Variants in ERI1 observed in about 807,000 individuals in gnomAD.
The protein encoded by ERI1 is exoribonuclease 1.
Under a neutral mutation model 39.7 loss-of-function variants are expected in ERI1, and 39 were observed. That is an observed-to-expected ratio of 0.98 (90% confidence interval 0.76 to 1.28). The LOEUF (loss-of-function observed/expected upper bound fraction) is 1.28, where lower values mean the gene tolerates loss of function less well. Among genes scored for constraint, ERI1 ranks in the 50% most tolerant of loss-of-function variants. The pLI, the probability that ERI1 is intolerant of heterozygous loss-of-function variation, is 0.00. For missense variants in ERI1, 581 were observed against 416.9 expected (o/e 1.39, Z -3.43); for synonymous variants, 204 against 149.6 (o/e 1.36, Z -2.65).
intron 6 of ERI1, among the ~76,000 whole-genome samples, chr8:9,023,767 A>G (rs1818175267): frequency 6.8e-6 from 1 of 147,940 alleles, no homozygotes; most frequent in Non-Finnish European, 1.5e-5. Context: ...TATGTCTAAA[A>G]ACATTTTTTT....
intron 3 of ERI1, among the ~76,000 whole-genome samples, chr8:9,083,772 A>C (rs1799438895): frequency 1.3e-5 from 2 of 152,030 alleles, no homozygotes; most frequent in Admixed American, 1.3e-4. Flanking sequence ...AGGACAACAA[A>C]GCAAGACCCT....
intron 4 of ERI1, among the ~76,000 whole-genome samples, 173 bp from the exon 5 acceptor site, chr8:9,018,124 T>C (rs1457265276): frequency 6.6e-6 from 1 of 152,220 alleles, no homozygotes; most frequent in African/African-American, 2.4e-5. Context: ...TATGAAATTT[T>C]TAGAATTTCT....
Position 9,031,080 on chromosome 8 carries a change from G to C in ERI1, c.*1046G>C, listed in dbSNP as rs1797554061. Reference sequence around the variant, plus strand: ...TGATAAGGTAAAACTCTTATCTAGAGGCTAAACCCATGTATTTTCAGAATT... The same window carrying C: ...TGATAAGGTAAAACTCTTATCTAGACGCTAAACCCATGTATTTTCAGAATT... On this transcript the variant is annotated 3_prime_UTR_variant, in exon 7 of 7. Coordinates refer to ENST00000250263, the MANE Select transcript of ERI1 (RefSeq NM_153332.4). 2 of 152,102 alleles carry C rather than the reference G, an allele frequency of 1.3e-5. No individual in the cohort carries two copies. The highest frequency in any genetic ancestry group is 4.8e-5 in the African/African-American group (2 of 41,426). The allele number at this position is 152,102 out of a possible 1,614,324, so 9.4% of individuals were successfully genotyped here.
intron 6 of ERI1, among the ~76,000 whole-genome samples, chr8:9,022,422 A>C (rs1162129353): frequency 6.6e-6 from 1 of 152,000 alleles, no homozygotes; most frequent in Non-Finnish European, 1.5e-5. Context: ...TGTCTTTGAG[A>C]TGAAGTCTCA....
At chr8:9,084,975 C>T (rs766651083) in intron 3 of ERI1, among the ~76,000 whole-genome samples, 1 of 152,074 alleles carries the variant, frequency 6.6e-6, no homozygotes, top group Non-Finnish European at 1.5e-5. Context: ...TGTAATCCCC[C>T]CTGCATCCCC....
intron 3 of ERI1, among the ~76,000 whole-genome samples, chr8:9,061,519 C>T (rs928104503): frequency 6.6e-5 from 10 of 152,166 alleles, no homozygotes; most frequent in Admixed American, 2.0e-4. Context: ...AGGGCAGTGG[C>T]GGCCGCTGCA....
intron 3 of ERI1, among the ~76,000 whole-genome samples, chr8:9,077,382 G>C (rs1337166892): frequency 6.6e-6 from 1 of 152,190 alleles, no homozygotes; most frequent in Non-Finnish European, 1.5e-5. Flanking sequence ...GTCCCTGGAA[G>C]AAACTGACAA....
intron 3 of ERI1, among the ~76,000 whole-genome samples, chr8:9,089,820 G>A (rs755168150): frequency 5.3e-5 from 8 of 152,160 alleles, no homozygotes; most frequent in Non-Finnish European, 8.8e-5. Context: ...TTTCAGTGAA[G>A]AAATGAAAGG....
At chr8:9,051,799 T>G (rs969572258) in intron 3 of ERI1, among the ~76,000 whole-genome samples, 1 of 152,222 alleles carries the variant, frequency 6.6e-6, no homozygotes, top group Non-Finnish European at 1.5e-5. Flanking sequence ...GATTATGAGT[T>G]TGAATGATCA....
At chr8:9,066,790 A>C (rs1321253990) in intron 3 of ERI1, among the ~76,000 whole-genome samples, 3 of 152,086 alleles carry the variant, frequency 2.0e-5, no homozygotes, top group Middle Eastern at 3.2e-3. Context: ...GTTGAGAGGG[A>C]AACAGCTGGC....
At chr8:9,055,092 G>C (rs1353534497) in intron 3 of ERI1, among the ~76,000 whole-genome samples, 1 of 152,176 alleles carries the variant, frequency 6.6e-6, no homozygotes, top group East Asian at 1.9e-4. Flanking sequence ...AGCCAGAGTA[G>C]GCTCAGAGAT....
At position 9,053,750 on chromosome 8, in the gene ERI1, T is replaced by C. The variant is rs1798427449; in HGVS notation, n.299+33286T>C. ...ACAGTAACTCCTGATAGTACCAGAA[T>C]TGAACTGTAGGACACCCAGTGAATG... On this transcript the variant is annotated intron_variant and non_coding_transcript_variant, in intron 3 of 3. Transcript: ENST00000518663. Among the ~76,000 whole-genome samples the C allele has an allele frequency of 5.9e-5, 9 of 152,312 alleles. No individual in the cohort carries two copies. The South Asian group carries it at 1.2e-3, about 21-fold the overall frequency.
intron 5 of ERI1, among the ~76,000 whole-genome samples, chr8:9,018,802 A>G (rs68043139): frequency 6.6e-6 from 1 of 151,680 alleles, no homozygotes; most frequent in Non-Finnish European, 1.5e-5. Flanking sequence ...AGGAATTCAC[A>G]TGGTTTACCC....
downstream of ERI1, among the ~76,000 whole-genome samples, chr8:9,034,648 A>T (rs1300115227): frequency 6.6e-6 from 1 of 152,156 alleles, no homozygotes; most frequent in Non-Finnish European, 1.5e-5. Flanking sequence ...AGACCTACCT[A>T]TTCCCTGAGA....
At chr8:9,021,758 ATTAT>A (rs1340041461) in intron 6 of ERI1, among the ~76,000 whole-genome samples, 1 of 93,548 alleles carries the variant, frequency 1.1e-5, no homozygotes, top group African/African-American at 4.8e-5. Flanking sequence ...TACTGGCTAT[ATTAT>A]TTGTTTTTTT....
chr8:9,072,256 A>G (rs1200922361), intron 3 of ERI1, among the ~76,000 whole-genome samples: 1 of 152,134 alleles, frequency 6.6e-6, no homozygotes, highest in Non-Finnish European at 1.5e-5. Context: ...TCTTGTTTTC[A>G]TACCACATTG....
intron 3 of ERI1, among the ~76,000 whole-genome samples, chr8:9,045,377 C>G (rs1047736153): frequency 6.6e-6 from 1 of 151,986 alleles, no homozygotes; most frequent in Non-Finnish European, 1.5e-5. Context: ...TGCACTGAAA[C>G]GAATTGCTCA....
rs569275026 is a variant in ERI1, at chr8:9,051,743, A to G, written n.299+31279A>G. Among the ~76,000 whole-genome samples the G allele has an allele frequency of 7.3e-5, 11 of 151,236 alleles. No homozygotes were observed. The South Asian group carries it at 2.1e-3, about 29-fold the overall frequency. On this transcript the variant is annotated intron_variant and non_coding_transcript_variant, in intron 3 of 3. Coordinates refer to the ERI1 transcript ENST00000518663. ...ACTTCTTTAGTTTTTCTGAGTTTGT[A>G]TGTTTAGATCTTTGTAAGTGTCCTA... is the stretch of plus-strand genomic sequence containing the variant.
chr8:9,008,758 A>G (rs1293675473), intron 2 of ERI1, among the ~76,000 whole-genome samples: 1 of 152,234 alleles, frequency 6.6e-6, no homozygotes, highest in Non-Finnish European at 1.5e-5. Flanking sequence ...CATGGGGCAG[A>G]AATGGCTTTT....
Sources: allele counts gnomAD v4.1 joint callset (sites outside exome capture counted in the v4.1 genomes callset), GRCh38; gene constraint gnomAD v4.1.1; transcripts MANE v1.5; gene names NCBI Gene and HGNC (gene_info 2026-07-23, HGNC 2026-07-21).